Variants in PTPRT observed in about 807,000 individuals in gnomAD.
PTPRT encodes protein tyrosine phosphatase receptor type T.
PTPRT carries 56 observed loss-of-function variants against 176.8 expected under a neutral mutation model. The observed-to-expected ratio is 0.32, with a 90% CI of 0.26 to 0.40. The LOEUF is 0.40. PTPRT is among the 10% of genes least tolerant of loss of function. The probability of loss-of-function intolerance (pLI) is 1.00; values close to 1 mark genes in which losing one functional copy is unlikely to be tolerated. For synonymous variants in PTPRT, 783 were observed against 739.0 expected (o/e 1.06, Z -0.96); for missense variants, 1,540 against 1,908.2 (o/e 0.81, Z 3.60).
chr20:42,431,145 T>A (rs1353509340), intron 9 of PTPRT, among the ~76,000 whole-genome samples: 1 of 152,196 alleles, frequency 6.6e-6, no homozygotes, highest in Non-Finnish European at 1.5e-5. Context: ...ATTCTTATAA[T>A]ATTCCTGAAT....
At chr20:42,931,651 G>T (rs1229666584) in intron 1 of PTPRT, among the ~76,000 whole-genome samples, 1 of 152,202 alleles carries the variant, frequency 6.6e-6, no homozygotes, top group Non-Finnish European at 1.5e-5. Context: ...AAGAGAGGGA[G>T]CGGGTGAGCA....
At chr20:42,381,878 T>C (rs941469448) in intron 9 of PTPRT, among the ~76,000 whole-genome samples, 2 of 152,198 alleles carry the variant, frequency 1.3e-5, no homozygotes, top group Admixed American at 6.5e-5. Flanking sequence ...TGCCTTTTTT[T>C]GTATAAAAGA....
chr20:42,916,210 C>T (rs1227518838), intron 1 of PTPRT, among the ~76,000 whole-genome samples: 3 of 147,070 alleles, frequency 2.0e-5, no homozygotes, highest in East Asian at 2.1e-4. Context: ...TGAGAACATG[C>T]AGTGTTTGGT....
At chr20:43,161,917 G>A (rs73106089) in intron 1 of PTPRT, among the ~76,000 whole-genome samples, 15 of 152,290 alleles carry the variant, frequency 9.8e-5, no homozygotes, top group Non-Finnish European at 1.6e-4. Context: ...CTTGGGATTA[G>A]AACAACATTT....
chr20:42,605,725 G>C (rs186372446), intron 7 of PTPRT, among the ~76,000 whole-genome samples: 2 of 152,170 alleles, frequency 1.3e-5, no homozygotes, highest in African/African-American at 2.4e-5. Context: ...GCTGTGGGGA[G>C]GAATGTGGAT....
chr20:43,066,812 A>G (rs1225576879), intron 1 of PTPRT, among the ~76,000 whole-genome samples: 3 of 152,002 alleles, frequency 2.0e-5, no homozygotes, highest in African/African-American at 7.3e-5. Flanking sequence ...AATCTAACCC[A>G]CCCTCTCTTT....
chr20:42,163,440 G>T (rs572753219), intron 16 of PTPRT, among the ~76,000 whole-genome samples: 149 of 152,310 alleles, frequency 9.8e-4, no homozygotes, highest in Middle Eastern at 3.4e-3. Flanking sequence ...GGGATTTTAG[G>T]TAATAGCTAG....
intron 1 of PTPRT, among the ~76,000 whole-genome samples, chr20:42,930,124 A>T (rs1979738046): frequency 6.6e-6 from 1 of 152,228 alleles, no homozygotes; most frequent in Admixed American, 6.5e-5. Flanking sequence ...AGGGAAGAGG[A>T]CAGGGAAAGG....
At position 42,925,146 on chromosome 20, in the gene PTPRT, G is replaced by T. The variant is rs527477711; in HGVS notation, c.89-39214C>A. ...TGCAGAAATGCTGGCTTTTAGGCAT[G>T]CTTCCTAAACTCTCTCACTCCTCAT... On this transcript the variant is annotated intron_variant, in intron 1 of 30. Coordinates refer to ENST00000373187, the MANE Select transcript of PTPRT (RefSeq NM_007050.6). Among the ~76,000 whole-genome samples, 19 of 152,300 alleles carry T rather than the reference G, an allele frequency of 1.2e-4. No individual in the cohort carries two copies. The South Asian group carries it at 3.5e-3, about 28-fold the overall frequency.
At chr20:42,384,112 G>A (rs1309085863) in intron 9 of PTPRT, among the ~76,000 whole-genome samples, 1 of 152,160 alleles carries the variant, frequency 6.6e-6, no homozygotes, top group Non-Finnish European at 1.5e-5. Flanking sequence ...TCACTGTGGG[G>A]CTTCACGTTA....
intron 7 of PTPRT, among the ~76,000 whole-genome samples, chr20:42,489,013 TGTGTGTG>T (rs2071513149): frequency 6.4e-4 from 2 of 3,110 alleles, no homozygotes; most frequent in African/African-American, 3.5e-3. Context: ...CAAGTTTGTG[TGTGTGTG>T]TGTGTGTGTG....
chr20:42,325,922 G>C (rs1337569144), intron 11 of PTPRT, among the ~76,000 whole-genome samples: 2 of 152,136 alleles, frequency 1.3e-5, no homozygotes, highest in African/African-American at 4.8e-5. Context: ...CAAGGCCCTT[G>C]CTCTCGCTAT....
intron 7 of PTPRT, among the ~76,000 whole-genome samples, chr20:42,547,591 G>C (rs1259137771): frequency 6.6e-6 from 1 of 151,848 alleles, no homozygotes; most frequent in African/African-American, 2.4e-5. Context: ...AGCAAACTAA[G>C]AATAAAAGAT....
intron 1 of PTPRT, among the ~76,000 whole-genome samples, chr20:43,106,482 C>A (rs2012608099): frequency 6.6e-6 from 1 of 151,842 alleles, no homozygotes; most frequent in Non-Finnish European, 1.5e-5. Context: ...CATGGTGAAA[C>A]CCCATCTCTA....
intron 3 of PTPRT, among the ~76,000 whole-genome samples, chr20:42,787,810 C>G (rs1048779681): frequency 6.6e-6 from 1 of 152,178 alleles, no homozygotes; most frequent in Non-Finnish European, 1.5e-5. Context: ...TACTTACAGT[C>G]TTTATTTATC....
At chr20:42,852,553 T>A (rs1347362297) in intron 2 of PTPRT, among the ~76,000 whole-genome samples, 1 of 152,206 alleles carries the variant, frequency 6.6e-6, no homozygotes, top group Non-Finnish European at 1.5e-5. Context: ...TTTTTTAGAA[T>A]ACTAATCACA....
intron 6 of PTPRT, among the ~76,000 whole-genome samples, chr20:42,685,093 T>C: frequency 6.6e-6 from 1 of 152,154 alleles, no homozygotes; most frequent in Non-Finnish European, 1.5e-5. Flanking sequence ...ACCATTATGA[T>C]AAAGACAATG....
At chr20:43,087,202 G>A (rs2011631885) in intron 1 of PTPRT, among the ~76,000 whole-genome samples, 1 of 152,022 alleles carries the variant, frequency 6.6e-6, no homozygotes, top group South Asian at 2.1e-4. Context: ...GAATCATACA[G>A]TCTGTAGCTT....
intron 7 of PTPRT, among the ~76,000 whole-genome samples, chr20:42,597,618 G>T (rs140481637): frequency 4.8e-4 from 73 of 152,272 alleles, no homozygotes; most frequent in Non-Finnish European, 7.6e-4. Flanking sequence ...GGCCATGTAA[G>T]ATTTGCATGC....
Sources: allele counts gnomAD v4.1 joint callset (sites outside exome capture counted in the v4.1 genomes callset), GRCh38; gene constraint gnomAD v4.1.1; transcripts MANE v1.5; gene names NCBI Gene and HGNC (gene_info 2026-07-23, HGNC 2026-07-21).